Variants in SPTBN1 observed in about 807,000 individuals in gnomAD.
The protein encoded by SPTBN1 is spectrin beta, non-erythrocytic 1.
A neutral mutation model predicts 266.4 loss-of-function variants in SPTBN1; 32 were observed. The ratio of observed to expected loss-of-function variants is 0.12; its 90% confidence interval spans 0.09 to 0.16. The LOEUF (loss-of-function observed/expected upper bound fraction) is 0.16, where lower values mean the gene tolerates loss of function less well. SPTBN1 is among the 10% of genes least tolerant of loss of function. The pLI is 1.00. For missense variants in SPTBN1, 2,296 were observed against 3,067.1 expected, an observed-to-expected ratio of 0.75 and a Z score of 5.94; for synonymous variants, 1,336 against 1,162.2, an observed-to-expected ratio of 1.15 and a Z score of -3.04.
rs143803678 is a variant in SPTBN1 at position 54,597,279 on chromosome 2, C to T, written c.149-1813C>T. Among the ~76,000 whole-genome samples the T allele has an allele frequency of 1.1e-4, 17 of 152,292 alleles. No individual in the cohort carries two copies. The East Asian group carries it at 3.1e-3, about 28-fold the overall frequency. ...CTTTCAGAATGGCCAAGCTTAGCCC[C>T]AGAATTACAGCTCCTGAGTCACTGT... On this transcript the variant is annotated intron_variant, in intron 2 of 35. Transcript: ENST00000356805.
At position 54,667,644 on chromosome 2, in the gene SPTBN1, G is replaced by T. The variant is rs1361750474; in HGVS notation, c.6874G>T (p.Asp2292Tyr). ...GNEYLFQAKD[D>Y]EEMNTWIQAI... ...TGAGTACCTCTTCCAAGCCAAAGAC[G>T]ATGTAAGTTTCTAAATGTTATTTCT... Residue 2292 changes from aspartate to tyrosine, a missense_variant and splice_region_variant, in exon 35 of 36, where the codon GAT (aspartate) becomes TAT (tyrosine). Transcript: ENST00000356805. The T allele has an allele frequency of 1.2e-6, 2 of 1,613,570 alleles. No individual in the cohort carries two copies. Among genetic ancestry groups the T allele is most frequent in the South Asian group, 2.2e-5 (2 of 91,054 alleles).
In SPTBN1 at chr2:54,628,238, A is replaced by G; in HGVS notation, c.1786A>G (p.Thr596Ala). 1 of 1,612,964 alleles carries G rather than the reference A, an allele frequency of 6.2e-7. No homozygotes were observed. The highest frequency in any genetic ancestry group is 8.5e-7 in the Non-Finnish European group (1 of 1,179,452). Reference protein sequence around the residue: ...GVNASAQKFATDGEGYKPCDP... With the variant: ...GVNASAQKFAADGEGYKPCDP... Reference sequence around the variant, plus strand: ...CAATGCCTCCGCCCAGAAGTTCGCAACAGACGGGGAAGGTAAGGATGGCCC... The same window carrying G: ...CAATGCCTCCGCCCAGAAGTTCGCAGCAGACGGGGAAGGTAAGGATGGCCC... Residue 596 changes from threonine to alanine, a missense_variant, in exon 13 of 36, where the codon ACA (threonine) becomes GCA (alanine). Coordinates refer to ENST00000356805, the MANE Select transcript of SPTBN1 (RefSeq NM_003128.3). The surrounding 1 kb of genome is among the most constrained non-coding windows in gnomAD (Gnocchi z 4.3).
At chr2:54,661,379 T>C (rs755313484) in intron 32 of SPTBN1, 27 of 985,730 alleles carry the variant, frequency 2.7e-5, no homozygotes, top group Middle Eastern at 5.2e-4. Context: ...CAGAAACCTG[T>C]TTTGATATGT....
intron 9 of SPTBN1, among the ~76,000 whole-genome samples, chr2:54,623,101 A>G (rs989641117): frequency 2.0e-5 from 3 of 152,172 alleles, no homozygotes; most frequent in African/African-American, 4.8e-5. Flanking sequence ...AGTTGCATAT[A>G]TCTTGGTAAG....
At chr2:54,630,632 C>G (rs914259690) in intron 15 of SPTBN1, among the ~76,000 whole-genome samples, 2 of 152,138 alleles carry the variant, frequency 1.3e-5, no homozygotes, top group Admixed American at 1.3e-4. Flanking sequence ...GTAACACATT[C>G]CTCTTCGTGA....
intron 1 of SPTBN1, among the ~76,000 whole-genome samples, chr2:54,504,001 T>G (rs780811918): frequency 1.3e-5 from 2 of 152,212 alleles, no homozygotes; most frequent in African/African-American, 2.4e-5. Context: ...CTCTTCTGAG[T>G]ATCCCCCACA....
At chr2:54,465,510 G>A (rs1693580010) in intron 1 of SPTBN1, among the ~76,000 whole-genome samples, 1 of 152,006 alleles carries the variant, frequency 6.6e-6, no homozygotes, top group Admixed American at 6.6e-5. Flanking sequence ...CAGCATCTGG[G>A]AATATTGTAG....
chr2:54,558,747 G>A lies in SPTBN1; in HGVS notation c.148+32181G>A. On this transcript the variant is annotated intron_variant, in intron 2 of 35. Coordinates refer to ENST00000356805, the MANE Select transcript of SPTBN1 (RefSeq NM_003128.3). The surrounding 1 kb of genome is among the most constrained non-coding windows in gnomAD (Gnocchi z 4.6). ...AGGGGGCTGGAGCGAGATTTCCAGG[G>A]CGCAGTCCTCCGGGGCGTTACGCCG... 2 of 1,603,484 alleles carry A rather than the reference G, an allele frequency of 1.2e-6. No individual in the cohort carries two copies. The highest frequency in any genetic ancestry group is 1.7e-4 in the Middle Eastern group (1 of 5,988).
intron 2 of SPTBN1, among the ~76,000 whole-genome samples, chr2:54,584,589 G>C (rs1272787051): frequency 1.3e-5 from 2 of 152,114 alleles, no homozygotes; most frequent in African/African-American, 4.8e-5. Context: ...CTTCCACCTA[G>C]TCCTGAAAGT....
At chr2:54,478,802 C>G (rs1213487917) in intron 1 of SPTBN1, among the ~76,000 whole-genome samples, 1 of 151,948 alleles carries the variant, frequency 6.6e-6, no homozygotes, top group Admixed American at 6.6e-5. Context: ...CTGTTAATAG[C>G]ATGAATGGTT....
chr2:54,462,627 G>T (rs1161821377), intron 1 of SPTBN1, among the ~76,000 whole-genome samples: 2 of 152,202 alleles, frequency 1.3e-5, no homozygotes, highest in African/African-American at 4.8e-5. Flanking sequence ...AGTTGAATAA[G>T]AATTAGTTCC....
At position 54,531,620 on chromosome 2, in the gene SPTBN1, T is replaced by A. The variant is rs530734784; in HGVS notation, c.148+5054T>A. On this transcript the variant is annotated intron_variant, in intron 2 of 35. Coordinates refer to ENST00000356805, the MANE Select transcript of SPTBN1 (RefSeq NM_003128.3). ...GTTTTTGTTTTTTGTTTTTTTTTTT[T>A]AATGTAGAAATCAGGCCTGTGATCA... Among the ~76,000 whole-genome samples the A allele has an allele frequency of 4.6e-5, 7 of 151,794 alleles. No individual in the cohort carries two copies. In the South Asian group the frequency reaches 6.3e-4, roughly 14 times the overall value.
chr2:54,619,817 C>G (rs954885451), intron 7 of SPTBN1, among the ~76,000 whole-genome samples: 3 of 152,166 alleles, frequency 2.0e-5, no homozygotes. Context: ...TTCTGGCCCT[C>G]ACAACCACGG....
chr2:54,574,279 GTTA>G (rs1342468173), intron 2 of SPTBN1, among the ~76,000 whole-genome samples: 1 of 152,148 alleles, frequency 6.6e-6, no homozygotes, highest in Non-Finnish European at 1.5e-5. Flanking sequence ...ATGCCATACA[GTTA>G]TTAGTGTGGC....
rs1679800154 is a variant in SPTBN1 at position 54,644,601 on chromosome 2, C to T, written c.4269+15C>T. On this transcript the variant is annotated intron_variant, in intron 20 of 35. Transcript: ENST00000356805. ...AAAAGCAACAGGCAAGTGGACAAGC[C>T]ATCATGGACTTGGGTGTATTTCTGT... The T allele has an allele frequency of 6.3e-7, 1 of 1,593,068 alleles. No homozygotes were observed. Among genetic ancestry groups the T allele is most frequent in the Non-Finnish European group, 8.6e-7 (1 of 1,164,810 alleles).
intron 1 of SPTBN1, among the ~76,000 whole-genome samples, chr2:54,512,147 G>A (rs933555603): frequency 4.6e-5 from 7 of 152,190 alleles, no homozygotes; most frequent in Admixed American, 4.6e-4. Flanking sequence ...ATGGGGAACA[G>A]CTGTACTTCG....
intron 1 of SPTBN1, among the ~76,000 whole-genome samples, chr2:54,513,603 G>A (rs987829021): frequency 2.6e-5 from 4 of 152,194 alleles, no homozygotes; most frequent in Admixed American, 2.6e-4. Context: ...GGAAGTAAAT[G>A]TAAGACCAAA....
At chr2:54,510,178 C>G (rs958842269) in intron 1 of SPTBN1, among the ~76,000 whole-genome samples, 1 of 152,016 alleles carries the variant, frequency 6.6e-6, no homozygotes, top group Non-Finnish European at 1.5e-5. Context: ...AGGCTGGTCT[C>G]AACCTCCTGA....
chr2:54,667,784 C>G, intron 35 of SPTBN1, 138 bp downstream of exon 35: 1 of 748,590 alleles, frequency 1.3e-6, no homozygotes, highest in Non-Finnish European at 2.3e-6. Context: ...GTCACCAGCA[C>G]TAGAAGGTGT....
Sources: gnomAD v4.1 joint callset for allele counts (sites outside exome capture counted in the v4.1 genomes callset) on GRCh38, gnomAD v4.1.1 for gene constraint, Gnocchi (gnomAD v3.1) non-coding constraint, MANE v1.5 for transcripts, NCBI Gene and HGNC (gene_info 2026-07-23, HGNC 2026-07-21) for gene names.